VWA8: variants seen among roughly 807,000 people sequenced by gnomAD.
VWA8 encodes von Willebrand factor A domain-containing protein 8.
VWA8 carries 221 observed loss-of-function variants against 241.5 expected under a neutral mutation model. The observed-to-expected ratio is 0.91, with a 90% CI of 0.82 to 1.02. VWA8 has a LOEUF of 1.02. Among genes scored for constraint, VWA8 ranks in the 50% least tolerant of loss-of-function variants. VWA8 has a pLI of 0.00. For missense variants in VWA8, 2,322 were observed against 2,328.7 expected, an observed-to-expected ratio of 1.00 and a Z score of 0.06; for synonymous variants, 852 against 827.1, an observed-to-expected ratio of 1.03 and a Z score of -0.52.
chr13:41,678,388 G>A (rs1409270787), intron 35 of VWA8, among the ~76,000 whole-genome samples: 2 of 152,220 alleles, frequency 1.3e-5, no homozygotes, highest in African/African-American at 4.8e-5. Flanking sequence ...TTCTGCCTGT[G>A]ATATAAGGTC....
intron 42 of VWA8, among the ~76,000 whole-genome samples, chr13:41,578,004 A>G (rs923035485): frequency 5.3e-5 from 8 of 152,216 alleles, no homozygotes; most frequent in African/African-American, 1.4e-4. Flanking sequence ...TTTAGCAACC[A>G]TCCATCTATC....
chr13:41,776,465 C>T (rs1216986019), intron 20 of VWA8, among the ~76,000 whole-genome samples: 1 of 152,132 alleles, frequency 6.6e-6, no homozygotes, highest in Non-Finnish European at 1.5e-5. Context: ...TATATAGGTT[C>T]ATCTTTTACT....
chr13:41,917,035 G>A (rs1876292163), intron 2 of VWA8, among the ~76,000 whole-genome samples: 1 of 151,990 alleles, frequency 6.6e-6, no homozygotes. Flanking sequence ...AGTTCATACT[G>A]GCCTAAATCC....
At chr13:41,696,050 C>A (rs982220358) in intron 29 of VWA8, 5 of 152,076 alleles carry the variant, frequency 3.3e-5, no homozygotes, top group Admixed American at 2.0e-4. Context: ...AAATTACAAA[C>A]CACCAAGATA....
chr13:41,844,056 T>C (rs1872177181), intron 12 of VWA8, among the ~76,000 whole-genome samples: 1 of 152,148 alleles, frequency 6.6e-6, no homozygotes, highest in Non-Finnish European at 1.5e-5. Context: ...TATAGGCCAA[T>C]ACCCTTGAGG....
chr13:41,582,864 C>T (rs1393036208), intron 42 of VWA8, among the ~76,000 whole-genome samples: 2 of 152,094 alleles, frequency 1.3e-5, no homozygotes, highest in Non-Finnish European at 2.9e-5. Flanking sequence ...TGAGAGGGGG[C>T]GGGCAGTGGC....
chr13:41,705,179 A>T (rs970485559), intron 26 of VWA8, among the ~76,000 whole-genome samples: 1 of 152,124 alleles, frequency 6.6e-6, no homozygotes, highest in Non-Finnish European at 1.5e-5. Context: ...TCTCAAAAGC[A>T]CACACACACT....
intron 27 of VWA8, 150 bp from the exon 28 acceptor site, chr13:41,701,680 T>A (rs971621423): frequency 4.3e-5 from 26 of 606,370 alleles, no homozygotes; most frequent in Non-Finnish European, 6.1e-5. Context: ...TTAGTACTCA[T>A]AACAGTAATA....
In VWA8 at chr13:41,886,000, T is replaced by C. The variant is rs143649570; in HGVS notation, c.895A>G (p.Thr299Ala). 2 of 1,605,470 alleles carry C rather than the reference T, an allele frequency of 1.2e-6. No individual in the cohort carries two copies. The highest frequency in any genetic ancestry group is 2.7e-5 in the African/African-American group (2 of 74,320). ...GTAGAAGATTCTTGGGAACACAGAGTTGTGGCAAAGGACAAGAGCTGAGAA... is the reference window on the plus strand; with the variant it reads ...GTAGAAGATTCTTGGGAACACAGAGCTGTGGCAAAGGACAAGAGCTGAGAA... ...KVSQLLSFAT[T>A]LCSQESSTLG... Residue 299 changes from threonine to alanine, a missense_variant, in exon 8 of 45, where the codon ACT (threonine) becomes GCT (alanine). Transcript: ENST00000379310.
At chr13:41,941,910 C>T (rs1451184400) in intron 2 of VWA8, among the ~76,000 whole-genome samples, 1 of 152,148 alleles carries the variant, frequency 6.6e-6, no homozygotes, top group African/African-American at 2.4e-5. Context: ...CATTAATTTC[C>T]ACCCCAGCAA....
chr13:41,958,088 A>G (rs1878428368), intron 1 of VWA8, among the ~76,000 whole-genome samples: 1 of 152,358 alleles, frequency 6.6e-6, no homozygotes, highest in East Asian at 1.9e-4. Flanking sequence ...AAAGAGATAT[A>G]AAGAATTTAC....
chr13:41,881,794 T>A (rs1874217897), intron 9 of VWA8, among the ~76,000 whole-genome samples: 2 of 121,294 alleles, frequency 1.6e-5, no homozygotes, highest in South Asian at 3.1e-4. Context: ...CACTTCCCAG[T>A]AGGGGCGGCC....
rs183759662 is a variant in VWA8 at position 41,635,153 on chromosome 13, C to T, written c.4612-20069G>A. On this transcript the variant is annotated intron_variant, in intron 37 of 44. Transcript: ENST00000379310. ...TAGTTATTATAATGTGAAATCTGAA[C>T]ACTATTCTAACTAAAATTCTACTAT... 2.6e-4 allele frequency among the ~76,000 whole-genome samples: 39 copies of T among 152,216 alleles called. No homozygotes were observed. The East Asian group carries it at 6.6e-3, about 26-fold the overall frequency.
intron 26 of VWA8, among the ~76,000 whole-genome samples, chr13:41,714,194 T>C (rs1046315792): frequency 1.1e-4 from 16 of 152,032 alleles, no homozygotes; most frequent in Admixed American, 9.8e-4. Context: ...TAAAAAACTT[T>C]TTAATTTCCT....
At chr13:41,639,033 T>C (rs1192874158) in intron 37 of VWA8, among the ~76,000 whole-genome samples, 1 of 152,172 alleles carries the variant, frequency 6.6e-6, no homozygotes, top group South Asian at 2.1e-4. Flanking sequence ...GCTTCTGGTA[T>C]CTTCCATTTT....
intron 17 of VWA8, among the ~76,000 whole-genome samples, chr13:41,791,085 T>C (rs1402482861): frequency 6.6e-6 from 1 of 151,864 alleles, no homozygotes; most frequent in Non-Finnish European, 1.5e-5. Flanking sequence ...CAAAATCCAA[T>C]TCCTTTTCAC....
At chr13:41,651,399 G>GAATAT (rs1192756280) in intron 37 of VWA8, among the ~76,000 whole-genome samples, 1 of 152,148 alleles carries the variant, frequency 6.6e-6, no homozygotes, top group African/African-American at 2.4e-5. Flanking sequence ...CTTAGAGTGA[G>GAATAT]AATATAATAG....
At chr13:41,787,324 A>G in intron 18 of VWA8, 113 bp downstream of exon 18, 1 of 831,976 alleles carries the variant, frequency 1.2e-6, no homozygotes, top group Non-Finnish European at 1.8e-6. Context: ...AACAAAGTAG[A>G]TGAAAACCAA....
At chr13:41,801,165 A>T (rs370854948) in intron 17 of VWA8, among the ~76,000 whole-genome samples, 1 of 144,734 alleles carries the variant, frequency 6.9e-6, no homozygotes, top group South Asian at 2.2e-4. Context: ...TATTTTTTTA[A>T]TAAAGGAAAT....
Sources: allele counts gnomAD v4.1 joint callset (sites outside exome capture counted in the v4.1 genomes callset), GRCh38; gene constraint gnomAD v4.1.1; transcripts MANE v1.5; gene names NCBI Gene and HGNC (gene_info 2026-07-23, HGNC 2026-07-21).